HPSE: variants seen among roughly 807,000 people sequenced by gnomAD.
HPSE encodes endo-glucoronidase.
Under a neutral mutation model 65.1 loss-of-function variants are expected in HPSE, and 48 were observed. That is an observed-to-expected ratio of 0.74 (90% CI 0.58 to 0.94). The LOEUF is 0.94. Ranked by LOEUF, HPSE falls within the 40% of genes least tolerant of loss-of-function variation. HPSE has a pLI of 0.00. For missense variants in HPSE, 644 were observed against 637.5 expected, an observed-to-expected ratio of 1.01 and a Z score of -0.11; for synonymous variants, 243 against 260.0, an observed-to-expected ratio of 0.93 and a Z score of 0.63.
chr4:83,323,378 G>C (rs1193117854), intron 1 of HPSE, among the ~76,000 whole-genome samples: 1 of 152,116 alleles, frequency 6.6e-6, no homozygotes, highest in African/African-American at 2.4e-5. Context: ...ACACCTCTCT[G>C]GTGGGGATGT....
intron 3 of HPSE, among the ~76,000 whole-genome samples, chr4:83,317,333 C>T (rs1736693191): frequency 6.6e-6 from 1 of 152,166 alleles, no homozygotes; most frequent in African/African-American, 2.4e-5. Flanking sequence ...GCCACAGGTT[C>T]AGAACAATTT....
At chr4:83,307,253 A>T (rs538667086) in intron 8 of HPSE, among the ~76,000 whole-genome samples, 1 of 152,248 alleles carries the variant, frequency 6.6e-6, no homozygotes, top group Non-Finnish European at 1.5e-5. Flanking sequence ...CTATCTAGAC[A>T]GCAGGCAAGG....
At chr4:83,315,731 C>T (rs1288637483) in intron 3 of HPSE, among the ~76,000 whole-genome samples, 1 of 152,156 alleles carries the variant, frequency 6.6e-6, no homozygotes, top group Non-Finnish European at 1.5e-5. Context: ...CACATGCCTT[C>T]GCCATAAAAC....
chr4:83,333,389 AG>A (rs1260392062), intron 1 of HPSE, among the ~76,000 whole-genome samples: 4 of 152,220 alleles, frequency 2.6e-5, no homozygotes, highest in Non-Finnish European at 1.5e-5. Flanking sequence ...GAGTCAAGCC[AG>A]GATGGTCTGT....
Position 83,292,559 on chromosome 4 carries a change from G to C in HPSE, c.*2785C>G, listed in dbSNP as rs1560500247. 1 of 152,152 alleles carries C rather than the reference G, an allele frequency of 6.6e-6. No individual in the cohort carries two copies. Among genetic ancestry groups the C allele is most frequent in the Non-Finnish European group, 1.5e-5 (1 of 68,012 alleles). 9.4% of individuals were successfully genotyped at this position (152,152 alleles called of 1,614,324 possible). ...TGAAAGATCTAAAATTTAATTTTCA[G>C]CTTTAGCTCCTTACAAATATACTTA... On this transcript the variant is annotated 3_prime_UTR_variant, in exon 12 of 12. Transcript: ENST00000311412.
At chr4:83,320,066 A>G (rs1736826631) in intron 2 of HPSE, among the ~76,000 whole-genome samples, 1 of 151,698 alleles carries the variant, frequency 6.6e-6, no homozygotes, top group South Asian at 2.1e-4. Context: ...AAATTACCAG[A>G]GAACTCTAAT....
At chr4:83,297,493 A>ATAT (rs1332234842) in intron 11 of HPSE, among the ~76,000 whole-genome samples, 2 of 152,182 alleles carry the variant, frequency 1.3e-5, no homozygotes, top group African/African-American at 4.8e-5. Flanking sequence ...TGGTGTGAGT[A>ATAT]TATTAGTTTA....
intron 10 of HPSE, 81 bp from the exon 11 acceptor site, chr4:83,301,187 G>C: frequency 1.2e-6 from 1 of 853,196 alleles, no homozygotes; most frequent in Non-Finnish European, 1.8e-6. Flanking sequence ...GTGATCCTAA[G>C]TATTAGTATC....
At chr4:83,303,689 A>G (rs1258383719) in intron 9 of HPSE, among the ~76,000 whole-genome samples, 2 of 152,212 alleles carry the variant, frequency 1.3e-5, no homozygotes, top group East Asian at 3.8e-4. Flanking sequence ...AGCTGGGACC[A>G]CAGGCATGTG....
chr4:83,320,304 C>G (rs1472066607), intron 2 of HPSE, among the ~76,000 whole-genome samples: 1 of 152,194 alleles, frequency 6.6e-6, no homozygotes, highest in Non-Finnish European at 1.5e-5. Context: ...GTGGCTCACG[C>G]TTGTAATTCC....
intron 11 of HPSE, among the ~76,000 whole-genome samples, chr4:83,296,056 C>T (rs1227485561): frequency 6.6e-6 from 1 of 152,078 alleles, no homozygotes; most frequent in Non-Finnish European, 1.5e-5. Context: ...TGGTAGAATG[C>T]TGTGGTGAAA....
At chr4:83,312,841 CAAAAAAAAAAAAAA>C (rs1200808673) in intron 4 of HPSE, among the ~76,000 whole-genome samples, 1 of 10,982 alleles carries the variant, frequency 9.1e-5, no homozygotes, top group Admixed American at 1.5e-3. Flanking sequence ...ACTAAAAATG[CAAAAAAAAAAAAAA>C]AAAAAAAAAA....
chr4:83,312,669 C>T (rs1480161327), intron 4 of HPSE, among the ~76,000 whole-genome samples: 1 of 81,640 alleles, frequency 1.2e-5, no homozygotes, highest in East Asian at 3.6e-4. Flanking sequence ...CAGAGCGAGA[C>T]TCCGTCTCAA....
intron 1 of HPSE, among the ~76,000 whole-genome samples, chr4:83,328,761 GGCTTGGGGAA>G (rs1737247675): frequency 6.6e-6 from 1 of 151,550 alleles, no homozygotes; most frequent in Non-Finnish European, 1.5e-5. Context: ...CTTGGGGAAA[GGCTTGGGGAA>G]AGGCTTGAGG....
intron 9 of HPSE, among the ~76,000 whole-genome samples, 193 bp from the exon 10 acceptor site, chr4:83,302,461 T>C (rs1280261671): frequency 6.6e-6 from 1 of 152,032 alleles, no homozygotes; most frequent in African/African-American, 2.4e-5. Context: ...AGCAGTATCG[T>C]GCTTGCTGCT....
chr4:83,330,116 A>G (rs1430404695), intron 1 of HPSE, among the ~76,000 whole-genome samples: 2 of 152,242 alleles, frequency 1.3e-5, no homozygotes, highest in Non-Finnish European at 2.9e-5. Context: ...CCAAGGTAAC[A>G]AGTCAAAAGG....
intron 1 of HPSE, among the ~76,000 whole-genome samples, chr4:83,323,762 C>G: frequency 6.6e-6 from 1 of 152,120 alleles, no homozygotes; most frequent in East Asian, 1.9e-4. Context: ...TTCTGTCAAG[C>G]CAAAAATGCT....
chr4:83,321,187 G>C (rs1736876686), intron 2 of HPSE, among the ~76,000 whole-genome samples: 1 of 151,866 alleles, frequency 6.6e-6, no homozygotes, highest in African/African-American at 2.4e-5. Context: ...AACAGAGTGG[G>C]ACTCTGTCTA....
chr4:83,328,245 T>C (rs1737225845), intron 1 of HPSE, among the ~76,000 whole-genome samples: 1 of 152,206 alleles, frequency 6.6e-6, no homozygotes, highest in Non-Finnish European at 1.5e-5. Context: ...AGGGCCATAC[T>C]CCCTCTCTAG....
Sources: allele counts gnomAD v4.1 joint callset (sites outside exome capture counted in the v4.1 genomes callset), GRCh38; gene constraint gnomAD v4.1.1; transcripts MANE v1.5; gene names NCBI Gene and HGNC (gene_info 2026-07-23, HGNC 2026-07-21).